Variants in TRPC1 observed in about 807,000 individuals in gnomAD.
TRPC1 encodes transient receptor potential cation channel subfamily C member 1.
A neutral mutation model predicts 88.2 loss-of-function variants in TRPC1; 42 were observed. The observed-to-expected ratio is 0.48, with a 90% CI of 0.37 to 0.62. The LOEUF is 0.62. TRPC1 is among the 20% of genes least tolerant of loss of function. TRPC1 has a pLI of 0.00. For missense variants in TRPC1, 699 were observed against 957.3 expected, an observed-to-expected ratio of 0.73 and a Z score of 3.56; for synonymous variants, 288 against 331.8, an observed-to-expected ratio of 0.87 and a Z score of 1.43.
chr3:142,804,030 T>G lies in TRPC1; in HGVS notation c.1811T>G (p.Val604Gly). ...LFWYIFSLAH[V>G]AIFVTRFSYG... The stretch of plus-strand genomic sequence containing the variant: ...TGGTATATTTTCTCCTTAGCGCATG[T>G]GGCAATCTTTGTCACAAGATTTAGC... The change falls in exon 11 of 13, where the codon GTG (valine) becomes GGG (glycine). Residue 604 changes from valine (V) to glycine (G), a missense_variant. By Grantham distance (109) the Val-to-Gly change is moderately radical. Transcript: ENST00000476941. 1 of 1,613,822 alleles carries G rather than the reference T, an allele frequency of 6.2e-7. No homozygotes were observed. Among genetic ancestry groups the G allele is most frequent in the Non-Finnish European group, 8.5e-7 (1 of 1,179,830 alleles).
intron 9 of TRPC1, among the ~76,000 whole-genome samples, chr3:142,800,389 G>A (rs1409194936): frequency 6.6e-6 from 1 of 152,076 alleles, no homozygotes; most frequent in Non-Finnish European, 1.5e-5. Context: ...CTTGTGGCGT[G>A]CCTAAGAATT....
chr3:142,742,287 G>T (rs1411061001), intron 2 of TRPC1, among the ~76,000 whole-genome samples: 1 of 152,118 alleles, frequency 6.6e-6, no homozygotes, highest in Admixed American at 6.6e-5. Flanking sequence ...TTGCAAAGCA[G>T]AGTAATAATG....
chr3:142,793,072 C>T, intron 9 of TRPC1, 105 bp downstream of exon 9: 1 of 1,046,036 alleles, frequency 9.6e-7, no homozygotes, highest in African/African-American at 1.7e-5. Context: ...TAAAGCTAAA[C>T]TTTGCTCTTG....
Position 142,792,780 on chromosome 3 carries a change from T to C in TRPC1, c.1438-44T>C. The C allele has an allele frequency of 2.7e-6, 4 of 1,477,444 alleles. No individual in the cohort carries two copies. Among genetic ancestry groups the C allele is most frequent in the Non-Finnish European group, 3.6e-6 (4 of 1,115,554 alleles). The allele number at this position is 1,477,444 out of a possible 1,614,324, so 91.5% of individuals were successfully genotyped here. A position where few individuals can be genotyped will look rare whatever the true frequency, so the allele number is the denominator to read the frequency against. On this transcript the variant is annotated intron_variant, in intron 8 of 12. Transcript: ENST00000476941. This position sits in a 1 kb window ranked among gnomAD's most constrained non-coding sequence, Gnocchi z 4.0. ...GAATATTTGCTTTTATTTTCCTAAA[T>C]TGAGAGAGCTTATTTACCTTTGGCT...
At chr3:142,769,975 A>T (rs763184431) in intron 4 of TRPC1, among the ~76,000 whole-genome samples, 1 of 151,664 alleles carries the variant, frequency 6.6e-6, no homozygotes, top group African/African-American at 2.4e-5. Flanking sequence ...AAGGTAGGAT[A>T]TTAAAGTCTT....
chr3:142,801,199 A>G (rs980905184), intron 9 of TRPC1: 1 of 152,152 alleles, frequency 6.6e-6, no homozygotes, highest in Non-Finnish European at 1.5e-5. Flanking sequence ...TTTAAAAACA[A>G]TGTTGAGTAA....
At chr3:142,798,573 C>T (rs1182827491) in intron 9 of TRPC1, among the ~76,000 whole-genome samples, 2 of 152,132 alleles carry the variant, frequency 1.3e-5, no homozygotes, top group Non-Finnish European at 2.9e-5. Context: ...CACGCAGAAG[C>T]GTGGAGTCCT....
intron 4 of TRPC1, among the ~76,000 whole-genome samples, chr3:142,752,844 A>C (rs9823836): frequency 0.5 from 74,896 of 150,904 alleles, 20,276 homozygotes; most frequent in African/African-American, 0.73. Context: ...CAAGGCACGT[A>C]CTGCACAGCC....
intron 3 of TRPC1, 60 bp from the exon 4 acceptor site, chr3:142,748,198 T>C: frequency 7.3e-7 from 1 of 1,371,386 alleles, no homozygotes; most frequent in Non-Finnish European, 1.0e-6. Context: ...ATTCTTCAGA[T>C]AAATATATTT....
At chr3:142,734,861 C>T (rs1276429605) in intron 1 of TRPC1, among the ~76,000 whole-genome samples, 3 of 152,120 alleles carry the variant, frequency 2.0e-5, no homozygotes, top group South Asian at 2.1e-4. Context: ...GGACACATCA[C>T]GATAACAAAG....
rs1350550365 is a variant in TRPC1 at position 142,776,597 on chromosome 3, A to G, written c.633-1035A>G. Among the ~76,000 whole-genome samples, 4 of 152,252 alleles carry G rather than the reference A, an allele frequency of 2.6e-5. No homozygotes were observed. The East Asian group carries it at 5.8e-4, about 22-fold the overall frequency. Reference sequence around the variant, plus strand: ...AATGAATGAAAAATGTATTATATATATTGAGCATATTAAAATATTTTTATG... The same window carrying G: ...AATGAATGAAAAATGTATTATATATGTTGAGCATATTAAAATATTTTTATG... On this transcript the variant is annotated intron_variant, in intron 4 of 12. Transcript: ENST00000476941. The surrounding 1 kb of genome is among the most constrained non-coding windows in gnomAD (Gnocchi z 4.1).
chr3:142,759,563 TG>T (rs1935106770), intron 4 of TRPC1, among the ~76,000 whole-genome samples: 1 of 152,242 alleles, frequency 6.6e-6, no homozygotes, highest in Admixed American at 6.5e-5. Context: ...TTGTAGATTC[TG>T]GATATTAGCC....
At chr3:142,732,170 G>A (rs1295875699) in intron 1 of TRPC1, among the ~76,000 whole-genome samples, 1 of 152,196 alleles carries the variant, frequency 6.6e-6, no homozygotes, top group Non-Finnish European at 1.5e-5. Flanking sequence ...AGTCAGGGAA[G>A]TGAAAAATTA....
At chr3:142,758,659 G>A (rs2108068473) in intron 4 of TRPC1, among the ~76,000 whole-genome samples, 1 of 151,532 alleles carries the variant, frequency 6.6e-6, no homozygotes, top group South Asian at 2.1e-4. Flanking sequence ...TTTTTGCTTT[G>A]GTTGTCTGTA....
Position 142,779,854 on chromosome 3 carries a change from G to A in TRPC1, c.765-980G>A, listed in dbSNP as rs181934089. Among the ~76,000 whole-genome samples the A allele has an allele frequency of 9.2e-3, 1,363 of 148,014 alleles. 30 individuals carry two copies. Among genetic ancestry groups the A allele is most frequent in the African/African-American group, 0.032 (1,303 of 40,156 alleles). On this transcript the variant is annotated intron_variant, in intron 5 of 12. Coordinates refer to ENST00000476941, the MANE Select transcript of TRPC1 (RefSeq NM_001251845.2). ...GATTAAGCTTAGACATAAAGTTAAT[G>A]TAATTGATTTTTTTTTTTTTTTTTT... is the stretch of plus-strand genomic sequence containing the variant.
intron 7 of TRPC1, 70 bp from the exon 8 acceptor site, chr3:142,790,949 C>T: frequency 1.6e-6 from 2 of 1,231,306 alleles, no homozygotes; most frequent in Non-Finnish European, 2.1e-6. Flanking sequence ...TATTTTGAGT[C>T]TTAAAGTATT....
chr3:142,784,297 G>C (rs1936060476), intron 6 of TRPC1, among the ~76,000 whole-genome samples: 1 of 133,500 alleles, frequency 7.5e-6, no homozygotes, highest in Admixed American at 6.9e-5. Flanking sequence ...TGAAAAAATG[G>C]CTAAGTAAGC....
chr3:142,762,365 A>G (rs1272807927), intron 4 of TRPC1, among the ~76,000 whole-genome samples: 1 of 140,944 alleles, frequency 7.1e-6, no homozygotes, highest in African/African-American at 2.6e-5. Context: ...TTCCAATTTC[A>G]TTTATTTCTG....
intron 3 of TRPC1, among the ~76,000 whole-genome samples, chr3:142,747,290 C>A (rs1372308641): frequency 6.6e-6 from 1 of 151,870 alleles, no homozygotes; most frequent in Non-Finnish European, 1.5e-5. Flanking sequence ...TTCTGATTTT[C>A]TACATTTTCA....
Sources: gnomAD v4.1 joint callset for allele counts (sites outside exome capture counted in the v4.1 genomes callset) on GRCh38, gnomAD v4.1.1 for gene constraint, Gnocchi (gnomAD v3.1) non-coding constraint, MANE v1.5 for transcripts, NCBI Gene and HGNC (gene_info 2026-07-23, HGNC 2026-07-21) for gene names.